TWSG1: variants seen among roughly 807,000 people sequenced by gnomAD.
TWSG1 encodes the protein twisted gastrulation BMP signaling modulator 1, also known as twisted gastrulation protein homolog 1.
A neutral mutation model predicts 23.0 loss-of-function variants in TWSG1; 15 were observed. The observed-to-expected ratio is 0.65, with a 90% CI of 0.44 to 1.00. TWSG1 has a LOEUF of 1.00. Ranked by LOEUF, TWSG1 falls within the 50% of genes least tolerant of loss-of-function variation. TWSG1 has a pLI of 0.00. For missense variants in TWSG1, 242 were observed against 278.7 expected (o/e 0.87, Z 0.94); for synonymous variants, 86 against 92.8 (o/e 0.93, Z 0.42).
intron 3 of TWSG1, among the ~76,000 whole-genome samples, chr18:9,389,388 T>C (rs767151360): frequency 5.9e-5 from 9 of 152,162 alleles, no homozygotes; most frequent in Non-Finnish European, 1.0e-4. Flanking sequence ...CGTATAGATA[T>C]AGTTATTAGA....
intron 4 of TWSG1, 41 bp downstream of exon 4, chr18:9,396,587 T>C: frequency 1.3e-6 from 2 of 1,594,172 alleles, no homozygotes; most frequent in Non-Finnish European, 1.7e-6. Context: ...CGCCCCCTCA[T>C]GTGGTCTGTC....
chr18:9,402,343 C>T lies in TWSG1; in HGVS notation c.*2816C>T, dbSNP rs1341990150. Reference sequence around the variant, plus strand: ...TTATGTTTATTGTATTTTATATGATCTACAACATATAAAATTGTGTATTTT... The same window carrying T: ...TTATGTTTATTGTATTTTATATGATTTACAACATATAAAATTGTGTATTTT... On this transcript the variant is annotated 3_prime_UTR_variant, in exon 5 of 5. Coordinates refer to ENST00000262120, the MANE Select transcript of TWSG1 (RefSeq NM_020648.6). The T allele has an allele frequency of 7.9e-5, 12 of 152,068 alleles. No homozygotes were observed. Among genetic ancestry groups the T allele is most frequent in the Non-Finnish European group, 1.8e-4 (12 of 68,026 alleles). 9.4% of individuals were successfully genotyped at this position (152,068 alleles called of 1,614,324 possible). A position where few individuals can be genotyped will look rare whatever the true frequency, so the allele number is the denominator to read the frequency against.
intron 3 of TWSG1, among the ~76,000 whole-genome samples, chr18:9,369,508 A>G (rs999806358): frequency 1.2e-4 from 18 of 152,038 alleles, no homozygotes; most frequent in African/African-American, 4.1e-4. Flanking sequence ...ACCTCATGAT[A>G]CACCCACCTC....
intron 3 of TWSG1, among the ~76,000 whole-genome samples, chr18:9,394,172 A>T (rs1483157225): frequency 6.6e-6 from 1 of 152,236 alleles, no homozygotes; most frequent in Non-Finnish European, 1.5e-5. Context: ...CAACAGATGA[A>T]TGCATAAAGA....
At chr18:9,343,343 C>A (rs1296595664) in intron 2 of TWSG1, among the ~76,000 whole-genome samples, 1 of 148,244 alleles carries the variant, frequency 6.7e-6, no homozygotes, top group Non-Finnish European at 1.5e-5. Flanking sequence ...TGTATAGTGT[C>A]CTCTTTTCTT....
At chr18:9,365,688 AAAAGAAAAAG>A (rs1332851223) in intron 3 of TWSG1, among the ~76,000 whole-genome samples, 6 of 151,708 alleles carry the variant, frequency 4.0e-5, no homozygotes, top group African/African-American at 1.2e-4. Flanking sequence ...AAAAAAAAGA[AAAAGAAAAAG>A]AAAGGAAAAG....
At chr18:9,397,143 GA>G (rs766304260) in intron 4 of TWSG1, 18 of 152,488 alleles carry the variant, frequency 1.2e-4, no homozygotes, top group Non-Finnish European at 2.3e-4. Flanking sequence ...TACTGTATTG[GA>G]AAATAGATAA....
Position 9,399,416 on chromosome 18 carries a change from C to T in TWSG1, c.561C>T (p.Ser187=). The T allele has an allele frequency of 6.2e-7, 1 of 1,613,922 alleles. No homozygotes were observed. Among genetic ancestry groups the T allele is most frequent in the African/African-American group, 1.3e-5 (1 of 75,004 alleles). Residue 187 remains serine (S), a synonymous_variant, in exon 5 of 5, where the codon TCC becomes TCT. Coordinates refer to ENST00000262120, the MANE Select transcript of TWSG1 (RefSeq NM_020648.6). The part of the protein sequence containing the change: ...SIHQCKISCE[S]MGASKYRWFH... ...ATCAGTGTAAAATATCCTGTGAGTC[C>T]ATGGGAGCATCCAAATATCGCTGGT... is the stretch of plus-strand genomic sequence containing the variant.
At chr18:9,377,304 C>T (rs1420394059) in intron 3 of TWSG1, among the ~76,000 whole-genome samples, 6 of 151,626 alleles carry the variant, frequency 4.0e-5, no homozygotes, top group East Asian at 3.9e-4. Flanking sequence ...CTGCAACCTC[C>T]GCCTCCCGGG....
intron 2 of TWSG1, among the ~76,000 whole-genome samples, chr18:9,339,173 G>T (rs143301560): frequency 6.6e-6 from 1 of 150,956 alleles, no homozygotes; most frequent in Non-Finnish European, 1.5e-5. Context: ...CCACTGCACT[G>T]AAGCCTGGGT....
intron 3 of TWSG1, among the ~76,000 whole-genome samples, chr18:9,381,820 C>T (rs2145625054): frequency 6.6e-6 from 1 of 150,432 alleles, no homozygotes; most frequent in Admixed American, 6.7e-5. Context: ...GAAAGTATAC[C>T]CCAAAAGTGT....
In TWSG1 at chr18:9,399,595, T is replaced by C. The variant is rs2040753831; in HGVS notation, c.*68T>C. On this transcript the variant is annotated 3_prime_UTR_variant, in exon 5 of 5. Coordinates refer to ENST00000262120, the MANE Select transcript of TWSG1 (RefSeq NM_020648.6). ...TATAAAAAGTTATTCTGTAAGTCTGTTGGTTGTATCTTGTATCAGAATCCC... is the reference window on the plus strand; with the variant it reads ...TATAAAAAGTTATTCTGTAAGTCTGCTGGTTGTATCTTGTATCAGAATCCC... 7.2e-7 allele frequency: 1 copy of C among 1,380,456 alleles called. No homozygotes were observed. The highest frequency in any genetic ancestry group is 1.5e-5 in the African/African-American group (1 of 68,168). The allele number at this position is 1,380,456 out of a possible 1,614,324, so 85.5% of individuals were successfully genotyped here. A position where few individuals can be genotyped will look rare whatever the true frequency, so the allele number is the denominator to read the frequency against.
chr18:9,383,420 C>T (rs2040668488), intron 3 of TWSG1, among the ~76,000 whole-genome samples: 1 of 152,050 alleles, frequency 6.6e-6, no homozygotes, highest in African/African-American at 2.4e-5. Flanking sequence ...TCTCGAACTC[C>T]TGACCTTGTG....
At chr18:9,381,531 T>C (rs942235041) in intron 3 of TWSG1, among the ~76,000 whole-genome samples, 3 of 152,162 alleles carry the variant, frequency 2.0e-5, no homozygotes, top group African/African-American at 7.2e-5. Flanking sequence ...TTACTTAAGG[T>C]TCAAGTATTA....
intron 3 of TWSG1, among the ~76,000 whole-genome samples, chr18:9,372,047 G>GT (rs2040608096): frequency 6.6e-6 from 1 of 151,980 alleles, no homozygotes. Context: ...TTACAGCCGT[G>GT]AGCCATCGCG....
At position 9,337,179 on chromosome 18, in the gene TWSG1, G is replaced by A. The variant is rs768706505; in HGVS notation, c.-37-14G>A. ...GCACTTGCCTTTGAATTAAAGTTGT[G>A]TTTGTTTGTTTAGTTTCCTGGGAGT... On this transcript the variant is annotated splice_polypyrimidine_tract_variant and intron_variant, in intron 1 of 4. Coordinates refer to ENST00000262120, the MANE Select transcript of TWSG1 (RefSeq NM_020648.6). 11 of 1,597,922 alleles carry A rather than the reference G, an allele frequency of 6.9e-6. No homozygotes were observed. Among genetic ancestry groups the A allele is most frequent in the Non-Finnish European group, 8.5e-6 (10 of 1,175,630 alleles).
intron 2 of TWSG1, among the ~76,000 whole-genome samples, chr18:9,353,692 T>TCAGA (rs2040512085): frequency 6.6e-6 from 1 of 152,144 alleles, no homozygotes; most frequent in Admixed American, 6.5e-5. Context: ...AAGCCTTGAG[T>TCAGA]CAGAAGACCT....
intron 3 of TWSG1, among the ~76,000 whole-genome samples, chr18:9,363,170 CT>C (rs1214716974): frequency 1.3e-5 from 2 of 152,290 alleles, no homozygotes; most frequent in Admixed American, 1.3e-4. Flanking sequence ...CTCTAGGAAA[CT>C]TTCCCCTGTG....
Position 9,336,140 on chromosome 18 carries a change from C to T in TWSG1, c.-37-1053C>T, listed in dbSNP as rs1302448709. On this transcript the variant is annotated intron_variant, in intron 1 of 4. Transcript: ENST00000262120. Reference sequence around the variant, plus strand: ...GGGCGCGGTAGCTCACCCCTGTAATCCCACACTTTGGGAGGCCGAGGCGGG... The same window carrying T: ...GGGCGCGGTAGCTCACCCCTGTAATTCCACACTTTGGGAGGCCGAGGCGGG... Among the ~76,000 whole-genome samples the T allele has an allele frequency of 2.0e-5, 3 of 152,158 alleles. No homozygotes were observed. The East Asian group carries it at 5.8e-4, about 29-fold the overall frequency.
Sources: allele counts gnomAD v4.1 joint callset (sites outside exome capture counted in the v4.1 genomes callset), GRCh38; gene constraint gnomAD v4.1.1; transcripts MANE v1.5; gene names NCBI Gene and HGNC (gene_info 2026-07-23, HGNC 2026-07-21).